RNF13: variants seen among roughly 807,000 people sequenced by gnomAD.
RNF13 encodes the protein ring finger protein 13.
In RNF13, 19 loss-of-function variants were observed where a neutral mutation model predicts 37.7. The ratio of observed to expected loss-of-function variants is 0.50; its 90% CI spans 0.35 to 0.74. The LOEUF (loss-of-function observed/expected upper bound fraction) is 0.74, where lower values mean the gene tolerates loss of function less well. Among genes scored for constraint, RNF13 ranks in the 30% least tolerant of loss-of-function variants. The probability of loss-of-function intolerance (pLI) is 0.01; values close to 1 mark genes in which losing one functional copy is unlikely to be tolerated. For synonymous variants in RNF13, 144 were observed against 157.8 expected (o/e 0.91, Z 0.65); for missense variants, 375 against 453.0 (o/e 0.83, Z 1.56).
chr3:149,860,559 A>T (rs2108413061), intron 3 of RNF13, among the ~76,000 whole-genome samples: 1 of 152,150 alleles, frequency 6.6e-6, no homozygotes, highest in East Asian at 1.9e-4. Flanking sequence ...GGAAAATTGG[A>T]TATCCATATG....
chr3:149,825,939 C>T (rs1452825781), intron 1 of RNF13, among the ~76,000 whole-genome samples: 1 of 152,208 alleles, frequency 6.6e-6, no homozygotes, highest in Non-Finnish European at 1.5e-5. Context: ...ATCCCTCTCT[C>T]CTGCCCCTCC....
chr3:149,950,240 T>G (rs1463059702), intron 8 of RNF13, among the ~76,000 whole-genome samples: 1 of 151,958 alleles, frequency 6.6e-6, no homozygotes, highest in Non-Finnish European at 1.5e-5. Flanking sequence ...GTGGTTGTTT[T>G]AAATTCCTGA....
chr3:149,919,659 A>G (rs1717919781), intron 7 of RNF13, among the ~76,000 whole-genome samples: 1 of 152,228 alleles, frequency 6.6e-6, no homozygotes. Flanking sequence ...CTATTGATCA[A>G]CATTTGGGTT....
chr3:149,835,649 G>GTGTGTGTGTGTGTGTGTT (rs1436623492), intron 1 of RNF13, among the ~76,000 whole-genome samples: 1 of 151,108 alleles, frequency 6.6e-6, no homozygotes, highest in Admixed American at 6.6e-5. Flanking sequence ...GTGTGTGTGT[G>GTGTGTGTGTGTGTGTGTT]TGTGTGTGTG....
rs562651437 is a variant in RNF13, at chr3:149,836,829, G to A, written c.-16-9182G>A. On this transcript the variant is annotated intron_variant, in intron 1 of 9. Coordinates refer to ENST00000392894, the MANE Select transcript of RNF13 (RefSeq NM_183381.3). ...AATATTACTCAGCCTGCTAAGGAAG[G>A]AAATTTTCACATGTGGTACAACACT... Among the ~76,000 whole-genome samples the A allele has an allele frequency of 7.2e-5, 11 of 152,300 alleles. No individual in the cohort carries two copies. The South Asian group carries it at 1.9e-3, about 26-fold the overall frequency.
At chr3:149,883,898 G>T in intron 4 of RNF13, among the ~76,000 whole-genome samples, 1 of 152,070 alleles carries the variant, frequency 6.6e-6, no homozygotes, top group Non-Finnish European at 1.5e-5. Context: ...TCTCCACCCT[G>T]TGTCCATGTG....
intron 7 of RNF13, among the ~76,000 whole-genome samples, chr3:149,920,322 A>G (rs1717985884): frequency 6.6e-6 from 1 of 152,114 alleles, no homozygotes; most frequent in Non-Finnish European, 1.5e-5. Flanking sequence ...TGCAGCCTTG[A>G]CATCCTGGGC....
At chr3:149,901,064 A>G (rs1715781882) in intron 5 of RNF13, among the ~76,000 whole-genome samples, 1 of 152,202 alleles carries the variant, frequency 6.6e-6, no homozygotes, top group East Asian at 1.9e-4. Flanking sequence ...GTGATGGAAC[A>G]TTCTATATCC....
At chr3:149,870,691 G>A (rs779624641) in intron 3 of RNF13, among the ~76,000 whole-genome samples, 9 of 151,888 alleles carry the variant, frequency 5.9e-5, no homozygotes, top group Non-Finnish European at 1.0e-4. Flanking sequence ...GTTGTACTTC[G>A]TTGCAAAACA....
intron 1 of RNF13, among the ~76,000 whole-genome samples, chr3:149,835,859 C>T (rs1193214207): frequency 8.5e-6 from 1 of 117,326 alleles, no homozygotes; most frequent in East Asian, 2.0e-4. Context: ...TGCTGGATCC[C>T]CAGTACTGGG....
chr3:149,921,164 G>A lies in RNF13; in HGVS notation c.637G>A (p.Ala213Thr). Residue 213 changes from alanine to threonine, a missense_variant, in exon 8 of 10, where the codon GCT (alanine) becomes ACT (threonine). Ala to Thr is a moderately conservative substitution (Grantham distance 58). Coordinates refer to ENST00000392894, the MANE Select transcript of RNF13 (RefSeq NM_183381.3). ...ITKFVQDRHRARRNRLRKDQL... is the reference protein window; with the variant it reads ...ITKFVQDRHRTRRNRLRKDQL... The stretch of plus-strand genomic sequence containing the variant: ...AAAATTTGTCCAGGATAGACATAGA[G>A]CTAGAAGAAACAGACTTCGTAAAGA... The A allele has an allele frequency of 7.0e-7, 1 of 1,423,650 alleles. No homozygotes were observed. Among genetic ancestry groups the A allele is most frequent in the South Asian group, 1.7e-5 (1 of 58,866 alleles). The allele number at this position is 1,423,650 out of a possible 1,614,324, so 88.2% of individuals were successfully genotyped here.
intron 4 of RNF13, among the ~76,000 whole-genome samples, chr3:149,886,286 A>T: frequency 6.6e-6 from 1 of 152,190 alleles, no homozygotes; most frequent in Non-Finnish European, 1.5e-5. Context: ...TGGTTTTGAT[A>T]GACATTGCAT....
At chr3:149,884,698 C>T (rs953043276) in intron 4 of RNF13, among the ~76,000 whole-genome samples, 14 of 151,984 alleles carry the variant, frequency 9.2e-5, no homozygotes, top group African/African-American at 3.4e-4. Flanking sequence ...ATAATAATCA[C>T]ATCATAGAAA....
intron 1 of RNF13, among the ~76,000 whole-genome samples, chr3:149,836,125 AT>A (rs1163514603): frequency 6.6e-6 from 1 of 151,976 alleles, no homozygotes; most frequent in Non-Finnish European, 1.5e-5. Flanking sequence ...TTTGATTTGC[AT>A]TTCTCTGATC....
chr3:149,958,916 A>G (rs1722118061), intron 8 of RNF13, among the ~76,000 whole-genome samples: 1 of 152,180 alleles, frequency 6.6e-6, no homozygotes, highest in Non-Finnish European at 1.5e-5. Context: ...AAAGCTTTCT[A>G]TTTCGGGCTT....
chr3:149,898,661 G>C (rs1255708458), intron 5 of RNF13, among the ~76,000 whole-genome samples: 3 of 152,054 alleles, frequency 2.0e-5, no homozygotes, highest in Non-Finnish European at 2.9e-5. Context: ...AGGACTTCCT[G>C]GTTCTTAGCA....
chr3:149,925,233 A>G (rs190156349), intron 8 of RNF13, among the ~76,000 whole-genome samples: 62 of 152,300 alleles, frequency 4.1e-4, no homozygotes, highest in Admixed American at 1.3e-3. Flanking sequence ...AGTGGTGTTT[A>G]TCATCACTTT....
intron 4 of RNF13, among the ~76,000 whole-genome samples, chr3:149,875,664 C>T (rs1344492727): frequency 2.0e-5 from 3 of 152,114 alleles, no homozygotes; most frequent in Non-Finnish European, 2.9e-5. Context: ...ACCTTTTAAT[C>T]TGTCTTACCT....
At chr3:149,827,473 T>C (rs1477811983) in intron 1 of RNF13, among the ~76,000 whole-genome samples, 2 of 152,164 alleles carry the variant, frequency 1.3e-5, no homozygotes. Context: ...ATAGAGGCTC[T>C]GCAGAAGATA....
Sources: allele counts gnomAD v4.1 joint callset (sites outside exome capture counted in the v4.1 genomes callset), GRCh38; gene constraint gnomAD v4.1.1; transcripts MANE v1.5; gene names NCBI Gene and HGNC (gene_info 2026-07-23, HGNC 2026-07-21).